Variants in NXN observed in about 807,000 individuals in gnomAD.
The protein encoded by NXN is nucleoredoxin 1.
A neutral mutation model predicts 48.6 loss-of-function variants in NXN; 16 were observed. The ratio of observed to expected loss-of-function variants is 0.33; its 90% CI spans 0.22 to 0.50. The LOEUF is 0.50. Among genes scored for constraint, NXN ranks in the 20% least tolerant of loss-of-function variants. NXN has a pLI of 0.98. For missense variants in NXN, 492 were observed against 605.5 expected, an observed-to-expected ratio of 0.81 and a Z score of 1.97; for synonymous variants, 281 against 269.6, an observed-to-expected ratio of 1.04 and a Z score of -0.41.
intron 5 of NXN, among the ~76,000 whole-genome samples, chr17:806,869 C>G (rs962929117): frequency 3.9e-5 from 6 of 152,050 alleles, no homozygotes; most frequent in Admixed American, 2.6e-4. Context: ...GGAGTGGGTC[C>G]AGAGAGAACA....
At chr17:923,428 C>T (rs908996126) in intron 1 of NXN, among the ~76,000 whole-genome samples, 8 of 152,124 alleles carry the variant, frequency 5.3e-5, no homozygotes, top group East Asian at 3.8e-4. Flanking sequence ...GAGGCTGAGA[C>T]GGGAGGATTG....
rs1206832365 is a variant in NXN, at chr17:944,249, T to TA, written c.360+35069dup. ...AGCGAAACTCCATCTCAGAAAAAAA[T>TA]AAAAAAATAAAAAATACCAGCTACG... is the stretch of plus-strand genomic sequence containing the variant. On this transcript the variant is annotated intron_variant, in intron 1 of 7. Transcript: ENST00000336868. 4.0e-5 allele frequency among the ~76,000 whole-genome samples: 6 copies of TA among 151,704 alleles called. No homozygotes were observed. In the South Asian group the frequency reaches 8.3e-4, roughly 21 times the overall value.
intron 1 of NXN, among the ~76,000 whole-genome samples, chr17:873,493 C>CAAA (rs71145783): frequency 1.1e-4 from 8 of 74,980 alleles, no homozygotes; most frequent in African/African-American, 3.9e-4. Flanking sequence ...ACACTGTCTC[C>CAAA]AAAAAAAAAA....
chr17:916,217 A>G (rs1237743111), intron 1 of NXN, among the ~76,000 whole-genome samples: 1 of 152,178 alleles, frequency 6.6e-6, no homozygotes, highest in Non-Finnish European at 1.5e-5. Flanking sequence ...AGAAAATTGC[A>G]TCTTTCAGAA....
In NXN at chr17:809,966, GTGTACGTTACGAGTC is replaced by G. The variant is rs1567810469; in HGVS notation, c.821-4734_821-4720del. 5.2e-4 allele frequency among the ~76,000 whole-genome samples: 69 copies of G among 131,448 alleles called. 5 individuals are homozygous for G. The highest frequency in any genetic ancestry group is 1.8e-3 in the African/African-American group (64 of 36,118). The allele number at this position is 131,448 out of a possible 152,430, so 86.2% of individuals were successfully genotyped here. On this transcript the variant is annotated intron_variant, in intron 5 of 7. Coordinates refer to ENST00000336868, the MANE Select transcript of NXN (RefSeq NM_022463.5). ...TACGTTACGAGTCTGTGTGAGTGGC[GTGTACGTTACGAGTC>G]TGTGAGTGGCGTGTACGTTACGAGT...
At chr17:870,765 A>C (rs1401581495) in intron 1 of NXN, among the ~76,000 whole-genome samples, 1 of 151,824 alleles carries the variant, frequency 6.6e-6, no homozygotes, top group African/African-American at 2.4e-5. Flanking sequence ...GAAAAAAAAA[A>C]AAAAAGAATC....
chr17:914,906 G>A (rs1167945967), intron 1 of NXN, among the ~76,000 whole-genome samples: 3 of 152,122 alleles, frequency 2.0e-5, no homozygotes, highest in Admixed American at 6.5e-5. Context: ...ATTAAAGGGG[G>A]TGAAATCGCA....
At chr17:847,468 G>T (rs562098233) in intron 1 of NXN, among the ~76,000 whole-genome samples, 1 of 152,136 alleles carries the variant, frequency 6.6e-6, no homozygotes, top group South Asian at 2.1e-4. Context: ...GCACGTGAAG[G>T]CTTTCTCTAA....
intron 1 of NXN, among the ~76,000 whole-genome samples, chr17:880,325 C>A (rs193294064): frequency 6.6e-6 from 1 of 151,868 alleles, no homozygotes. Flanking sequence ...AACTAAATAC[C>A]TTGGATTAAC....
In NXN at chr17:960,279, C is replaced by T. The variant is rs151293736; in HGVS notation, c.360+19040G>A. Among the ~76,000 whole-genome samples, 1,337 of 152,256 alleles carry T rather than the reference C, an allele frequency of 8.8e-3. 12 individuals carry two copies. The highest frequency in any genetic ancestry group is 0.03 in the African/African-American group (1,256 of 41,552). Reference sequence around the variant, plus strand: ...TGGTATCATGTATAATTTGGGATCTCGCTTTTCTGAATGCAGTATGTGAAG... The same window carrying T: ...TGGTATCATGTATAATTTGGGATCTTGCTTTTCTGAATGCAGTATGTGAAG... On this transcript the variant is annotated intron_variant, in intron 1 of 7. Transcript: ENST00000336868.
At chr17:883,139 C>T (rs1031115514) in intron 1 of NXN, among the ~76,000 whole-genome samples, 1 of 152,192 alleles carries the variant, frequency 6.6e-6, no homozygotes, top group African/African-American at 2.4e-5. Flanking sequence ...GGCCAACTTC[C>T]TATTTTTAAA....
At chr17:803,870 G>GCA in intron 6 of NXN, 64 bp from the exon 7 acceptor site, 1 of 1,586,604 alleles carries the variant, frequency 6.3e-7, no homozygotes, top group Non-Finnish European at 8.6e-7. Flanking sequence ...AAACAGAGCG[G>GCA]CACCCGCCGA....
chr17:804,111 T>C (rs1911354752), intron 6 of NXN: 5 of 312,976 alleles, frequency 1.6e-5, no homozygotes, highest in Non-Finnish European at 3.0e-5. Flanking sequence ...CAAACCCGCC[T>C]GGGAGGCTGA....
intron 1 of NXN, among the ~76,000 whole-genome samples, chr17:841,691 A>G (rs77183011): frequency 0.069 from 4,528 of 65,690 alleles, 531 homozygotes; most frequent in Non-Finnish European, 0.086. Context: ...TGACCATGGC[A>G]CATCTCACGC....
chr17:892,587 AGGTCTCGC>A (rs2068434620), intron 1 of NXN, among the ~76,000 whole-genome samples: 1 of 126,892 alleles, frequency 7.9e-6, no homozygotes, highest in African/African-American at 3.0e-5. Flanking sequence ...TCTGCATAGC[AGGTCTCGC>A]AGTCTCAGCA....
At chr17:886,883 CTAACA>C (rs1051631090) in intron 1 of NXN, among the ~76,000 whole-genome samples, 21 of 151,888 alleles carry the variant, frequency 1.4e-4, no homozygotes, top group African/African-American at 4.8e-4. Flanking sequence ...ATTGTTTATC[CTAACA>C]TTTTTGCCTG....
At position 825,789 on chromosome 17, in the gene NXN, C is replaced by T; in HGVS notation, c.478+172G>A. 3.4e-6 allele frequency: 2 copies of T among 584,812 alleles called. No homozygotes were observed. The highest frequency in any genetic ancestry group is 4.3e-5 in the South Asian group (2 of 46,216). The allele number at this position is 584,812 out of a possible 1,614,324, so 36.2% of individuals were successfully genotyped here. ...CTGATCCCTGTGAAAATCTTAAAACCATGTCCTAGGGAATACTATGATTTC... is the reference window on the plus strand; with the variant it reads ...CTGATCCCTGTGAAAATCTTAAAACTATGTCCTAGGGAATACTATGATTTC... On this transcript the variant is annotated intron_variant, in intron 2 of 7. Transcript: ENST00000336868. This position sits in a 1 kb window ranked among gnomAD's most constrained non-coding sequence, Gnocchi z 4.1.
chr17:840,343 CT>C (rs112852369), intron 1 of NXN, among the ~76,000 whole-genome samples: 1,546 of 147,338 alleles, frequency 0.01, 23 homozygotes, highest in African/African-American at 0.036. Flanking sequence ...GCAGAGACTT[CT>C]TTTTTTTTTT....
At chr17:803,429 G>A (rs1266078868) in intron 7 of NXN, among the ~76,000 whole-genome samples, 3 of 152,254 alleles carry the variant, frequency 2.0e-5, no homozygotes, top group Non-Finnish European at 4.4e-5. Flanking sequence ...GCTCAGGCGG[G>A]AAGCAGCCTG....
Sources: gnomAD v4.1 joint callset for allele counts (sites outside exome capture counted in the v4.1 genomes callset) on GRCh38, gnomAD v4.1.1 for gene constraint, Gnocchi (gnomAD v3.1) non-coding constraint, MANE v1.5 for transcripts, NCBI Gene and HGNC (gene_info 2026-07-23, HGNC 2026-07-21) for gene names.